Variants in WDTC1 observed in about 807,000 individuals in gnomAD.
The protein encoded by WDTC1 is WD and tetratricopeptide repeats protein 1.
Under a neutral mutation model 76.0 loss-of-function variants are expected in WDTC1, and 12 were observed. That is an observed-to-expected ratio of 0.16 (90% CI 0.10 to 0.26). The LOEUF (loss-of-function observed/expected upper bound fraction) is 0.26. Among genes scored for constraint, WDTC1 ranks in the 10% least tolerant of loss-of-function variants. The probability of loss-of-function intolerance (pLI) is 1.00; values close to 1 mark genes in which losing one functional copy is unlikely to be tolerated. For synonymous variants in WDTC1, 326 were observed against 350.8 expected (o/e 0.93, Z 0.79); for missense variants, 511 against 908.8 (o/e 0.56, Z 5.63).
chr1:27,275,166 T>C (rs548964560), intron 3 of WDTC1, among the ~76,000 whole-genome samples: 366 of 152,328 alleles, frequency 2.4e-3, no homozygotes, highest in Non-Finnish European at 4.1e-3. Flanking sequence ...CTTTACAATC[T>C]GGCCTGCTTG....
Position 27,283,397 on chromosome 1 carries a change from A to G in WDTC1, c.239A>G (p.Lys80Arg). Reference sequence around the variant, plus strand: ...ATTGTGTGGGACCCGCTGCACCACAAGAAGCTGCTCTCCATGCACACGGGA... The same window carrying G: ...ATTGTGTGGGACCCGCTGCACCACAGGAAGCTGCTCTCCATGCACACGGGA... ...HTIVWDPLHH[K>R]KLLSMHTGHT... The change falls in exon 5 of 16, where the codon AAG (lysine) becomes AGG (arginine). Residue 80 changes from lysine to arginine, a missense_variant. By Grantham distance (26) the Lys-to-Arg change is conservative. Coordinates refer to ENST00000319394, the MANE Select transcript of WDTC1 (RefSeq NM_001276252.2). 6.2e-7 allele frequency: 1 copy of G among 1,613,786 alleles called. No homozygotes were observed. Among genetic ancestry groups the G allele is most frequent in the South Asian group, 1.1e-5 (1 of 91,088 alleles).
chr1:27,285,157 C>T (rs1283442377), intron 5 of WDTC1, among the ~76,000 whole-genome samples: 1 of 151,772 alleles, frequency 6.6e-6, no homozygotes, highest in Non-Finnish European at 1.5e-5. Context: ...GTGCCTCAGC[C>T]TCCTAAGTAG....
chr1:27,263,720 C>T (rs1463228839), intron 3 of WDTC1, among the ~76,000 whole-genome samples: 4 of 152,100 alleles, frequency 2.6e-5, no homozygotes, highest in African/African-American at 4.8e-5. Flanking sequence ...TGAGCCACCG[C>T]GCCTGGCCTT....
At chr1:27,294,673 C>G in intron 9 of WDTC1, 44 bp downstream of exon 9, 1 of 1,556,136 alleles carries the variant, frequency 6.4e-7, no homozygotes, top group Non-Finnish European at 8.8e-7. Context: ...CCATTCCATG[C>G]CCAGCAGCCA....
chr1:27,302,140 G>A (rs1187390986), intron 13 of WDTC1, among the ~76,000 whole-genome samples: 4 of 152,180 alleles, frequency 2.6e-5, no homozygotes, highest in Non-Finnish European at 5.9e-5. Context: ...TACCAACCAC[G>A]TGATAAATTA....
rs1381430530 is a variant in WDTC1, at chr1:27,297,170, G to A, written c.1058+14G>A. 1 of 1,585,842 alleles carries A rather than the reference G, an allele frequency of 6.3e-7. No individual in the cohort carries two copies. The highest frequency in any genetic ancestry group is 8.6e-7 in the Non-Finnish European group (1 of 1,164,740). On this transcript the variant is annotated intron_variant, in intron 11 of 15. Transcript: ENST00000319394. ...GGGACATGTCAGGTGAGGCCAGCTG[G>A]CTTGTCCAGCCCTCCAAGCCCCAGT...
chr1:27,253,386 T>TCCC (rs2012153098), intron 1 of WDTC1, among the ~76,000 whole-genome samples: 1 of 12,430 alleles, frequency 8.0e-5, no homozygotes, highest in Non-Finnish European at 4.0e-4. Flanking sequence ...TCTTCTTTCT[T>TCCC]CTTCCCCTCC....
intron 6 of WDTC1, among the ~76,000 whole-genome samples, chr1:27,289,308 G>A (rs1173547576): frequency 6.6e-6 from 1 of 151,472 alleles, no homozygotes; most frequent in Non-Finnish European, 1.5e-5. Context: ...TCTCAGACGG[G>A]GTGGTTGCCA....
rs1248968782 is a variant in WDTC1 at position 27,260,890 on chromosome 1, T to C, written c.-99-66T>C. 4.0e-6 allele frequency: 3 copies of C among 746,124 alleles called. No individual in the cohort carries two copies. The African/African-American group carries it at 5.3e-5, about 13-fold the overall frequency. 46.2% of individuals were successfully genotyped at this position (746,124 alleles called of 1,614,324 possible). On this transcript the variant is annotated intron_variant, in intron 1 of 15. Coordinates refer to ENST00000319394, the MANE Select transcript of WDTC1 (RefSeq NM_001276252.2). ...TTCACTGGGTGGGCTGTTTTAGGGG[T>C]GGAATTAGGTCTTGGGAGTCACTTT... is the stretch of plus-strand genomic sequence containing the variant.
At chr1:27,292,823 A>G (rs552689722) in intron 7 of WDTC1, among the ~76,000 whole-genome samples, 27 of 134,980 alleles carry the variant, frequency 2.0e-4, no homozygotes, top group Admixed American at 5.0e-4. Context: ...GCGCAGTGGC[A>G]CAATCTCAGC....
chr1:27,299,477 T>C (rs1002976449), intron 12 of WDTC1, among the ~76,000 whole-genome samples: 2 of 145,268 alleles, frequency 1.4e-5, no homozygotes, highest in African/African-American at 5.2e-5. Context: ...AGACAGGAGA[T>C]GAAGGAGAGG....
At chr1:27,297,219 G>C (rs2013718384) in intron 11 of WDTC1, 63 bp downstream of exon 11, 1 of 1,417,540 alleles carries the variant, frequency 7.1e-7, no homozygotes, top group Non-Finnish European at 9.7e-7. Context: ...CTGGAGGGAG[G>C]GACATAACCT....
At chr1:27,265,613 T>G (rs2012635345) in intron 3 of WDTC1, among the ~76,000 whole-genome samples, 2 of 151,736 alleles carry the variant, frequency 1.3e-5, no homozygotes, top group Admixed American at 1.3e-4. Context: ...ATTGTGCCAC[T>G]GCACTCCAGC....
chr1:27,256,948 G>A lies in WDTC1; in HGVS notation c.-99-4008G>A, dbSNP rs756223898. On this transcript the variant is annotated intron_variant, in intron 1 of 15. Coordinates refer to ENST00000319394, the MANE Select transcript of WDTC1 (RefSeq NM_001276252.2). ...ACGATCTCGTCTCACTGCAAGCTCC[G>A]TCTCCCGGATTCACTGCCATTCTCC... 2.2e-4 allele frequency among the ~76,000 whole-genome samples: 33 copies of A among 152,196 alleles called. 1 individual carries two copies. Among genetic ancestry groups the A allele is most frequent in the Non-Finnish European group, 1.2e-4 (8 of 68,010 alleles).
At chr1:27,282,192 A>G in intron 3 of WDTC1, 47 bp from the exon 4 acceptor site, 1 of 1,592,544 alleles carries the variant, frequency 6.3e-7, no homozygotes, top group Non-Finnish European at 8.6e-7. Context: ...GTTCCCCAGG[A>G]GAACCCCTAA....
At chr1:27,268,661 C>T (rs759348145) in intron 3 of WDTC1, among the ~76,000 whole-genome samples, 1 of 151,734 alleles carries the variant, frequency 6.6e-6, no homozygotes, top group Non-Finnish European at 1.5e-5. Flanking sequence ...TCGTGATTCA[C>T]CCACCTCGGC....
At chr1:27,293,899 A>C in intron 7 of WDTC1, 123 bp from the exon 8 acceptor site, 1 of 852,604 alleles carries the variant, frequency 1.2e-6, no homozygotes, top group Non-Finnish European at 1.8e-6. Flanking sequence ...TTGCTTAGGT[A>C]AGGAGGAAAA....
In WDTC1 at chr1:27,289,353, C is replaced by T. The variant is rs533607877; in HGVS notation, c.479+1492C>T. On this transcript the variant is annotated intron_variant, in intron 6 of 15. Coordinates refer to ENST00000319394, the MANE Select transcript of WDTC1 (RefSeq NM_001276252.2). ...TCTCCTCACTTCTCAGACGGGGCGG[C>T]TGGGCAGAGACGCTCTTCACCTCCC... Among the ~76,000 whole-genome samples the T allele has an allele frequency of 7.9e-4, 120 of 151,130 alleles. 2 individuals carry two copies. The East Asian group carries it at 0.022, about 28-fold the overall frequency.
At chr1:27,243,997 G>T (rs969359152) in intron 1 of WDTC1, among the ~76,000 whole-genome samples, 11 of 151,356 alleles carry the variant, frequency 7.3e-5, no homozygotes, top group Admixed American at 6.6e-4. Flanking sequence ...AATTAGCCAG[G>T]TGTGTGTGGG....
Sources: gnomAD v4.1 joint callset for allele counts (sites outside exome capture counted in the v4.1 genomes callset) on GRCh38, gnomAD v4.1.1 for gene constraint, MANE v1.5 for transcripts, NCBI Gene and HGNC (gene_info 2026-07-23, HGNC 2026-07-21) for gene names.